Variants in PACRG observed in about 807,000 individuals in gnomAD.
PACRG encodes the protein parkin coregulated gene protein.
In PACRG, 29 loss-of-function variants were observed where a neutral mutation model predicts 29.7. The observed-to-expected ratio is 0.98, with a 90% CI of 0.73 to 1.33. PACRG has a LOEUF of 1.33. Ranked by LOEUF, PACRG falls within the 40% of genes most tolerant of loss-of-function variation. The pLI, the probability that PACRG is intolerant of heterozygous loss-of-function variation, is 0.00. For synonymous variants in PACRG, 116 were observed against 118.7 expected, an observed-to-expected ratio of 0.98 and a Z score of 0.15; for missense variants, 279 against 316.2, an observed-to-expected ratio of 0.88 and a Z score of 0.89.
intron 4 of PACRG, among the ~76,000 whole-genome samples, chr6:163,105,619 A>T (rs1815338752): frequency 6.6e-6 from 1 of 152,152 alleles, no homozygotes; most frequent in Non-Finnish European, 1.5e-5. Flanking sequence ...ATGGCTCAAC[A>T]TTGGGTCATT....
At chr6:163,180,224 A>G (rs1477538139) in intron 4 of PACRG, among the ~76,000 whole-genome samples, 3 of 152,258 alleles carry the variant, frequency 2.0e-5, no homozygotes, top group Middle Eastern at 3.4e-3. Context: ...AGGCACGCCC[A>G]CTTCTCCAGT....
At chr6:162,852,005 G>GGAAGGA (rs1562663902) in intron 2 of PACRG, among the ~76,000 whole-genome samples, 91 of 116,104 alleles carry the variant, frequency 7.8e-4, no homozygotes, top group Non-Finnish European at 1.2e-3. Flanking sequence ...GGGAGGGAGG[G>GGAAGGA]AGGAAGGAAG....
intron 1 of PACRG, among the ~76,000 whole-genome samples, chr6:162,755,879 T>G (rs1302588332): frequency 3.9e-5 from 6 of 152,234 alleles, no homozygotes; most frequent in Admixed American, 3.3e-4. Flanking sequence ...TTTTTTTAAT[T>G]TCCTTTTTTT....
intron 1 of PACRG, among the ~76,000 whole-genome samples, chr6:162,729,398 C>T (rs559222502): frequency 2.0e-5 from 3 of 152,262 alleles, no homozygotes; most frequent in East Asian, 1.9e-4. Flanking sequence ...TATTCCTAAA[C>T]GACATACTTA....
intron 2 of PACRG, among the ~76,000 whole-genome samples, chr6:163,047,465 A>G (rs929260729): frequency 6.6e-6 from 1 of 152,222 alleles, no homozygotes; most frequent in Non-Finnish European, 1.5e-5. Context: ...GCTATGAAAC[A>G]AGGGATTATT....
At chr6:163,115,573 A>G (rs557121163) in intron 4 of PACRG, among the ~76,000 whole-genome samples, 1 of 151,420 alleles carries the variant, frequency 6.6e-6, no homozygotes, top group Non-Finnish European at 1.5e-5. Flanking sequence ...ATTATACATG[A>G]GTGAGGAAAC....
chr6:162,741,346 G>C (rs549011332), intron 1 of PACRG, among the ~76,000 whole-genome samples: 9 of 152,188 alleles, frequency 5.9e-5, no homozygotes, highest in South Asian at 4.1e-4. Context: ...CATAGACTGG[G>C]TGGCTTAAAC....
At chr6:163,119,893 CTTA>C (rs1051853381) in intron 4 of PACRG, among the ~76,000 whole-genome samples, 4 of 152,014 alleles carry the variant, frequency 2.6e-5, no homozygotes, top group Admixed American at 6.6e-5. Context: ...CATTTTGGGG[CTTA>C]TTATTCAAAT....
intron 2 of PACRG, among the ~76,000 whole-genome samples, chr6:162,987,522 A>G (rs896995903): frequency 4.6e-5 from 7 of 152,054 alleles, no homozygotes; most frequent in African/African-American, 1.7e-4. Context: ...AATAAGTCCC[A>G]CGAGATCTGA....
chr6:162,964,927 C>T (rs797006887), intron 2 of PACRG, among the ~76,000 whole-genome samples: 2 of 152,314 alleles, frequency 1.3e-5, no homozygotes, highest in Non-Finnish European at 1.5e-5. Flanking sequence ...CTGAATGTAA[C>T]GACATCACTT....
chr6:163,089,501 T>C, intron 4 of PACRG, 93 bp downstream of exon 4: 1 of 1,423,524 alleles, frequency 7.0e-7, no homozygotes, highest in Non-Finnish European at 9.6e-7. Context: ...TAGGATTTAT[T>C]ATTGCATATA....
intron 2 of PACRG, among the ~76,000 whole-genome samples, chr6:163,015,661 G>C (rs1169903451): frequency 6.6e-6 from 1 of 152,110 alleles, no homozygotes; most frequent in Non-Finnish European, 1.5e-5. Context: ...TGTTATTGGT[G>C]TATAGAAATG....
At chr6:162,923,866 CT>C (rs1797236082) in intron 2 of PACRG, among the ~76,000 whole-genome samples, 2 of 151,654 alleles carry the variant, frequency 1.3e-5, no homozygotes, top group Non-Finnish European at 1.5e-5. Context: ...TCTTAGGGGA[CT>C]TTTTTGGTTC....
chr6:162,792,474 G>A (rs1785035049), intron 1 of PACRG, among the ~76,000 whole-genome samples: 1 of 152,164 alleles, frequency 6.6e-6, no homozygotes, highest in Non-Finnish European at 1.5e-5. Flanking sequence ...GCAATTATTT[G>A]TCAGAAACCT....
chr6:163,093,931 G>C (rs1010208959), intron 4 of PACRG, among the ~76,000 whole-genome samples: 1 of 152,182 alleles, frequency 6.6e-6, no homozygotes. Flanking sequence ...TTTGTACCAG[G>C]TCTTTGACCT....
At chr6:163,163,927 A>T (rs1778678840) in intron 4 of PACRG, among the ~76,000 whole-genome samples, 1 of 152,016 alleles carries the variant, frequency 6.6e-6, no homozygotes, top group Admixed American at 6.6e-5. Flanking sequence ...TATTTTACAG[A>T]TAAATAGATA....
Position 163,101,403 on chromosome 6 carries a change from C to G in PACRG, c.613+11995C>G, listed in dbSNP as rs1436338489. On this transcript the variant is annotated intron_variant, in intron 4 of 4. Transcript: ENST00000366888. ...TTCATAGTTTTTCTAACAGAAATCA[C>G]TGAATGTTACATATGTTTGTATGAG... 4 of 970,396 alleles carry G rather than the reference C, an allele frequency of 4.1e-6. No homozygotes were observed. The Admixed American group carries it at 2.5e-4, about 60-fold the overall frequency. 60.1% of individuals were successfully genotyped at this position (970,396 alleles called of 1,614,324 possible).
chr6:163,216,440 A>G (rs1420521195), intron 4 of PACRG, among the ~76,000 whole-genome samples: 1 of 152,252 alleles, frequency 6.6e-6, no homozygotes, highest in Non-Finnish European at 1.5e-5. Context: ...GAAAAGGGGA[A>G]GAAAAACGAA....
rs555130539 is a variant in PACRG, at chr6:163,047,553, G to A, written c.292-14597G>A. Reference sequence around the variant, plus strand: ...GAACATACAATTCCTGGATAATAAAGGTTAAGTGTGCATAAATTTGAGATC... The same window carrying A: ...GAACATACAATTCCTGGATAATAAAAGTTAAGTGTGCATAAATTTGAGATC... On this transcript the variant is annotated intron_variant, in intron 2 of 4. Coordinates refer to ENST00000366888, the MANE Select transcript of PACRG (RefSeq NM_001080379.2). 4.6e-5 allele frequency among the ~76,000 whole-genome samples: 7 copies of A among 152,222 alleles called. No homozygotes were observed. The South Asian group carries it at 1.5e-3, about 32-fold the overall frequency.
Sources: gnomAD v4.1 joint callset for allele counts (sites outside exome capture counted in the v4.1 genomes callset) on GRCh38, gnomAD v4.1.1 for gene constraint, MANE v1.5 for transcripts, NCBI Gene and HGNC (gene_info 2026-07-23, HGNC 2026-07-21) for gene names.